CXADR: variants seen among roughly 807,000 people sequenced by gnomAD.
CXADR encodes CXADR cell adhesion molecule.
In CXADR, 20 loss-of-function variants were observed where a neutral mutation model predicts 40.3. The observed-to-expected ratio is 0.50, with a 90% CI of 0.35 to 0.72. CXADR has a LOEUF of 0.72. CXADR is among the 30% of genes least tolerant of loss of function. The pLI is 0.01. For missense variants in CXADR, 332 were observed against 449.1 expected (o/e 0.74, Z 2.36); for synonymous variants, 150 against 161.3 (o/e 0.93, Z 0.53).
the CXADR span, chr21:17,611,832 T>C: frequency 6.6e-6 from 1 of 152,268 alleles, no homozygotes; most frequent in Non-Finnish European, 1.5e-5. Flanking sequence ...CAGGAGTTTA[T>C]AACTTTTGTA....
At chr21:17,633,882 A>G in the CXADR span, among the ~76,000 whole-genome samples, 1 of 152,274 alleles carries the variant, frequency 6.6e-6, no homozygotes, top group East Asian at 1.9e-4. Context: ...TTTGAGTTTT[A>G]TACTTTGTCT....
chr21:17,517,666 C>T (rs73324061), intron 1 of CXADR, among the ~76,000 whole-genome samples: 1,711 of 151,742 alleles, frequency 0.011, 34 homozygotes, highest in African/African-American at 0.04. Context: ...ACTGTAAAAT[C>T]GGGGAGAAAT....
the CXADR span, among the ~76,000 whole-genome samples, chr21:17,614,690 C>G: frequency 1.3e-5 from 2 of 152,076 alleles, no homozygotes; most frequent in Non-Finnish European, 2.9e-5. Flanking sequence ...CTGCAGTGAG[C>G]TATGATAACA....
In CXADR at chr21:17,565,558, C is replaced by T. The variant is rs1288477424; in HGVS notation, c.964C>T (p.Pro322Ser). ...GYSKTQYNQV[P>S]SEDFERTPQS... ...TTCCAAGACTCAGTATAACCAAGTA[C>T]CAAGTGAAGACTTTGAACGCACTCC... Residue 322 changes from proline to serine, a missense_variant, in exon 7 of 7, where the codon CCA becomes TCA. Physicochemically the swap from Pro to Ser is moderately conservative, Grantham distance 74. Coordinates refer to ENST00000284878, the MANE Select transcript of CXADR (RefSeq NM_001338.5). The T allele has an allele frequency of 1.2e-6, 2 of 1,613,716 alleles. No individual in the cohort carries two copies. The highest frequency in any genetic ancestry group is 1.7e-5 in the Admixed American group (1 of 59,988).
At position 17,565,998 on chromosome 21, in the gene CXADR, G is replaced by A; in HGVS notation, c.*306G>A. ...GTAGCGCTTTGAATATGAAATCATA[G>A]GTGAAGACATGGGTGAACTTACTTG... is the stretch of plus-strand genomic sequence containing the variant. On this transcript the variant is annotated 3_prime_UTR_variant, in exon 7 of 7. Coordinates refer to ENST00000284878, the MANE Select transcript of CXADR (RefSeq NM_001338.5). The A allele has an allele frequency of 4.9e-6, 5 of 1,027,078 alleles. No individual in the cohort carries two copies. The highest frequency in any genetic ancestry group is 5.8e-6 in the Non-Finnish European group (5 of 857,110). 63.6% of individuals were successfully genotyped at this position (1,027,078 alleles called of 1,614,324 possible). A position where few individuals can be genotyped will look rare whatever the true frequency, so the allele number is the denominator to read the frequency against.
At chr21:17,587,019 G>A (rs2061402006) in intron 7 of CXADR, among the ~76,000 whole-genome samples, 1 of 152,112 alleles carries the variant, frequency 6.6e-6, no homozygotes, top group African/African-American at 2.4e-5. Flanking sequence ...GTAGTTTGCT[G>A]AGAATGATGG....
At position 17,553,653 on chromosome 21, in the gene CXADR, G is replaced by A. The variant is rs574992530; in HGVS notation, c.415+1700G>A. On this transcript the variant is annotated intron_variant, in intron 3 of 6. Transcript: ENST00000284878. The stretch of plus-strand genomic sequence containing the variant: ...TTTTTTCTTTTTGAGACCAAGTCTC[G>A]CTCTGTCACCCAGGCTGGAGTGCAG... Among the ~76,000 whole-genome samples the A allele has an allele frequency of 1.1e-3, 148 of 137,250 alleles. 1 individual carries two copies. Among genetic ancestry groups the A allele is most frequent in the African/African-American group, 3.9e-3 (145 of 37,234 alleles). The allele number at this position is 137,250 out of a possible 152,430, so 90.0% of individuals were successfully genotyped here.
At chr21:17,593,404 G>C in exon 8 of CXADR, 2 of 359,406 alleles carry the variant, frequency 5.6e-6, no homozygotes, top group Non-Finnish European at 1.0e-5. Context: ...AAAACCCTAT[G>C]TATAGTGACA....
intron 7 of CXADR, among the ~76,000 whole-genome samples, chr21:17,588,045 G>GA (rs2061409996): frequency 2.0e-5 from 3 of 152,106 alleles, no homozygotes; most frequent in Non-Finnish European, 2.9e-5. Flanking sequence ...GATAGTTGTA[G>GA]ATATGTGGCG....
intron 1 of CXADR, among the ~76,000 whole-genome samples, chr21:17,537,274 G>T (rs184990771): frequency 5.8e-4 from 88 of 152,256 alleles, no homozygotes; most frequent in African/African-American, 1.9e-3. Context: ...TCATTTTGTT[G>T]TCAATTTTTT....
chr21:17,567,448 G>A lies in CXADR; in HGVS notation c.*1756G>A, dbSNP rs2061224680. 2.0e-6 allele frequency: 2 copies of A among 985,100 alleles called. No individual in the cohort carries two copies. Among genetic ancestry groups the A allele is most frequent in the African/African-American group, 3.5e-5 (2 of 57,216 alleles). The allele number at this position is 985,100 out of a possible 1,614,324, so 61.0% of individuals were successfully genotyped here. On this transcript the variant is annotated 3_prime_UTR_variant, in exon 7 of 7. Transcript: ENST00000284878. ...TTAATTTCTATTATGAATTTCTGGT[G>A]CCTATGAGCTAGCTATCACCTACCT...
At chr21:17,601,714 G>A in the CXADR span, among the ~76,000 whole-genome samples, 2 of 152,106 alleles carry the variant, frequency 1.3e-5, no homozygotes, top group Non-Finnish European at 2.9e-5. Flanking sequence ...ATGTGTTAAT[G>A]ACACTAATAT....
rs146430253 is a variant in CXADR, at chr21:17,564,543, G to T, written c.834-885G>T. 3.9e-4 allele frequency among the ~76,000 whole-genome samples: 60 copies of T among 152,170 alleles called. 1 individual carries two copies. The East Asian group carries it at 9.6e-3, about 24-fold the overall frequency. ...AAACAAAATTTTCTATACATGGTTT[G>T]TTGGCTTCACAGATGTGGAACCCGT... On this transcript the variant is annotated intron_variant, in intron 6 of 6. Coordinates refer to ENST00000284878, the MANE Select transcript of CXADR (RefSeq NM_001338.5).
the CXADR span, among the ~76,000 whole-genome samples, chr21:17,615,961 A>G: frequency 6.6e-6 from 1 of 152,176 alleles, no homozygotes; most frequent in Non-Finnish European, 1.5e-5. Context: ...ATTAAAAGCA[A>G]AACAGTCGGC....
chr21:17,517,419 A>G (rs2060475205), intron 1 of CXADR, among the ~76,000 whole-genome samples: 1 of 152,178 alleles, frequency 6.6e-6, no homozygotes, highest in African/African-American at 2.4e-5. Context: ...GGCCAAGAGT[A>G]GGAGAGTGGT....
intron 3 of CXADR, among the ~76,000 whole-genome samples, chr21:17,555,645 C>T (rs1239616272): frequency 3.9e-5 from 6 of 152,226 alleles, no homozygotes; most frequent in Non-Finnish European, 7.4e-5. Flanking sequence ...CCTCCAGTCA[C>T]GTCTGGGGGC....
At chr21:17,610,208 T>C in the CXADR span, among the ~76,000 whole-genome samples, 1 of 152,170 alleles carries the variant, frequency 6.6e-6, no homozygotes, top group South Asian at 2.1e-4. Context: ...AAGTACAGGG[T>C]TACTTTTTGA....
chr21:17,568,200 C>T lies in CXADR; in HGVS notation c.*2508C>T. On this transcript the variant is annotated 3_prime_UTR_variant, in exon 7 of 7. Transcript: ENST00000284878. ...CTGGAGTGCAGTGGCGGGATCTCGG[C>T]TCACTGCAAGCTCCGCCTCCCAGGT... The T allele has an allele frequency of 1.0e-6, 1 of 955,576 alleles. No individual in the cohort carries two copies. The highest frequency in any genetic ancestry group is 1.2e-6 in the Non-Finnish European group (1 of 808,472). The allele number at this position is 955,576 out of a possible 1,614,324, so 59.2% of individuals were successfully genotyped here.
At chr21:17,630,650 CT>C in the CXADR span, among the ~76,000 whole-genome samples, 15 of 116,960 alleles carry the variant, frequency 1.3e-4, no homozygotes, top group African/African-American at 3.3e-4. Context: ...CTTCCTTCTT[CT>C]TTTTTTTTTT....
Sources: allele counts gnomAD v4.1 joint callset (sites outside exome capture counted in the v4.1 genomes callset), GRCh38; gene constraint gnomAD v4.1.1; transcripts MANE v1.5; gene names NCBI Gene and HGNC (gene_info 2026-07-23, HGNC 2026-07-21).